Variants in NCKAP5 observed in about 807,000 individuals in gnomAD.
The protein encoded by NCKAP5 is nck-associated protein 5.
A neutral mutation model predicts 167.0 loss-of-function variants in NCKAP5; 92 were observed. That is an observed-to-expected ratio of 0.55 (90% CI 0.47 to 0.66). The LOEUF (loss-of-function observed/expected upper bound fraction) is 0.66. Ranked by LOEUF, NCKAP5 falls within the 30% of genes least tolerant of loss-of-function variation. The pLI is 0.00. For missense variants in NCKAP5, 2,378 were observed against 2,315.0 expected (o/e 1.03, Z -0.56); for synonymous variants, 891 against 877.4 (o/e 1.02, Z -0.27).
chr2:132,873,721 T>C (rs1474892750), intron 9 of NCKAP5, among the ~76,000 whole-genome samples: 1 of 152,194 alleles, frequency 6.6e-6, no homozygotes, highest in Admixed American at 6.5e-5. Context: ...GGGTCCACTA[T>C]TTTTTTCAGC....
intron 16 of NCKAP5, among the ~76,000 whole-genome samples, chr2:132,768,916 G>A (rs1249647010): frequency 6.7e-6 from 1 of 149,150 alleles, no homozygotes; most frequent in East Asian, 2.0e-4. Context: ...TGGGATTACA[G>A]GTGTGAGCCA....
At chr2:133,236,371 AAGG>A (rs1320747032) in intron 4 of NCKAP5, among the ~76,000 whole-genome samples, 1 of 152,146 alleles carries the variant, frequency 6.6e-6, no homozygotes, top group Non-Finnish European at 1.5e-5. Context: ...TACTATGAAT[AAGG>A]AGAACTCAGC....
intron 11 of NCKAP5, among the ~76,000 whole-genome samples, chr2:132,830,856 T>C (rs978180527): frequency 6.6e-6 from 1 of 152,180 alleles, no homozygotes; most frequent in Non-Finnish European, 1.5e-5. Context: ...TCAGATAATG[T>C]AAAAGTGTAT....
chr2:133,009,939 C>T (rs925875182), intron 6 of NCKAP5, among the ~76,000 whole-genome samples: 4 of 151,846 alleles, frequency 2.6e-5, no homozygotes, highest in Admixed American at 1.3e-4. Flanking sequence ...GGCGTGGTGG[C>T]GGGTGCCTGT....
intron 3 of NCKAP5, among the ~76,000 whole-genome samples, chr2:133,441,323 G>A (rs1430998731): frequency 6.6e-6 from 1 of 152,196 alleles, no homozygotes; most frequent in Non-Finnish European, 1.5e-5. Flanking sequence ...CTTTTCCAGA[G>A]GGTCTGAATA....
chr2:133,484,747 T>C (rs1335296945), intron 3 of NCKAP5, among the ~76,000 whole-genome samples: 2 of 152,174 alleles, frequency 1.3e-5, no homozygotes, highest in Non-Finnish European at 2.9e-5. Flanking sequence ...ATGTGAAATA[T>C]AAATGAAGTT....
intron 8 of NCKAP5, among the ~76,000 whole-genome samples, chr2:132,914,990 CAAAAAA>C (rs11404641): frequency 9.6e-6 from 1 of 104,040 alleles, no homozygotes; most frequent in African/African-American, 2.9e-5. Flanking sequence ...AAGCTATGGC[CAAAAAA>C]AAAAAAAAAA....
intron 3 of NCKAP5, among the ~76,000 whole-genome samples, chr2:133,462,910 G>A (rs7593167): frequency 4.1e-4 from 63 of 152,084 alleles, no homozygotes; most frequent in African/African-American, 1.4e-3. Flanking sequence ...TGCTGAGCCA[G>A]CCCTCTCATT....
chr2:133,020,199 A>G (rs2078477784), intron 6 of NCKAP5, among the ~76,000 whole-genome samples: 1 of 152,256 alleles, frequency 6.6e-6, no homozygotes, highest in African/African-American at 2.4e-5. Flanking sequence ...TGTTCAGCTA[A>G]AGACAGGAAG....
intron 11 of NCKAP5, among the ~76,000 whole-genome samples, chr2:132,820,411 G>A (rs1402928243): frequency 6.6e-6 from 1 of 151,910 alleles, no homozygotes; most frequent in East Asian, 1.9e-4. Flanking sequence ...TGTATTTTTA[G>A]TAGAGACGGG....
intron 8 of NCKAP5, among the ~76,000 whole-genome samples, chr2:132,902,535 G>A (rs1160074377): frequency 2.0e-5 from 3 of 152,212 alleles, no homozygotes; most frequent in Non-Finnish European, 2.9e-5. Context: ...GTCACATCCT[G>A]TAGAGTACAT....
At chr2:133,286,065 G>A (rs1296761029) in intron 4 of NCKAP5, among the ~76,000 whole-genome samples, 3 of 150,260 alleles carry the variant, frequency 2.0e-5, no homozygotes, top group Non-Finnish European at 2.9e-5. Flanking sequence ...GCACGATCTC[G>A]GCTCATTGCA....
intron 4 of NCKAP5, among the ~76,000 whole-genome samples, chr2:133,257,155 A>G (rs546277606): frequency 6.6e-6 from 1 of 152,356 alleles, no homozygotes; most frequent in East Asian, 1.9e-4. Context: ...TTAATTTAAT[A>G]TTAAGATACC....
At chr2:132,863,029 C>T (rs985402290) in intron 10 of NCKAP5, among the ~76,000 whole-genome samples, 4 of 151,990 alleles carry the variant, frequency 2.6e-5, no homozygotes, top group African/African-American at 7.2e-5. Context: ...ACCATATTGG[C>T]CAGGCTGGTC....
At chr2:133,427,449 T>C (rs1348969823) in intron 3 of NCKAP5, among the ~76,000 whole-genome samples, 1 of 152,192 alleles carries the variant, frequency 6.6e-6, no homozygotes, top group Admixed American at 6.5e-5. Flanking sequence ...TGATTTTATT[T>C]AAATTTTAAG....
intron 3 of NCKAP5, among the ~76,000 whole-genome samples, chr2:133,459,504 C>T (rs769723670): frequency 2.0e-5 from 3 of 152,068 alleles, no homozygotes; most frequent in South Asian, 2.1e-4. Flanking sequence ...GGTAGACGTT[C>T]GGTGTTATCT....
intron 4 of NCKAP5, among the ~76,000 whole-genome samples, chr2:133,288,725 A>G (rs1344728): frequency 0.15 from 22,550 of 152,038 alleles, 1,666 homozygotes; most frequent in African/African-American, 0.17. Flanking sequence ...TCATTACCTC[A>G]GGAAGGTTTG....
chr2:132,806,073 A>G (rs35820626), intron 11 of NCKAP5, among the ~76,000 whole-genome samples: 7,781 of 152,190 alleles, frequency 0.051, 395 homozygotes, highest in East Asian at 0.13. Context: ...AACAGTCTCC[A>G]ATCTCATCCA....
At chr2:132,756,252 C>T (rs753725919) in intron 16 of NCKAP5, among the ~76,000 whole-genome samples, 2 of 152,146 alleles carry the variant, frequency 1.3e-5, no homozygotes, top group Non-Finnish European at 2.9e-5. Context: ...TTCTAGTGTA[C>T]TTAGGTCCGA....
Sources: gnomAD v4.1 joint callset for allele counts (sites outside exome capture counted in the v4.1 genomes callset) on GRCh38, gnomAD v4.1.1 for gene constraint, MANE v1.5 for transcripts, NCBI Gene and HGNC (gene_info 2026-07-23, HGNC 2026-07-21) for gene names.